ALKBH1: variants seen among roughly 807,000 people sequenced by gnomAD.
ALKBH1 encodes alkB homolog 1, histone H2A dioxygenase.
ALKBH1 carries 31 observed loss-of-function variants against 36.6 expected under a neutral mutation model. The observed-to-expected ratio is 0.85, with a 90% confidence interval of 0.64 to 1.14. The LOEUF (loss-of-function observed/expected upper bound fraction) is 1.14, where lower values mean the gene tolerates loss of function less well. Among genes scored for constraint, ALKBH1 ranks in the 50% most tolerant of loss-of-function variants. The pLI, the probability that ALKBH1 is intolerant of heterozygous loss-of-function variation, is 0.00. For synonymous variants in ALKBH1, 183 were observed against 186.6 expected, an observed-to-expected ratio of 0.98 and a Z score of 0.16; for missense variants, 490 against 497.3, an observed-to-expected ratio of 0.99 and a Z score of 0.14.
At chr14:77,677,357 A>G (rs922557988) in intron 4 of ALKBH1, among the ~76,000 whole-genome samples, 4 of 152,120 alleles carry the variant, frequency 2.6e-5, no homozygotes, top group African/African-American at 7.2e-5. Flanking sequence ...AATACTCTCT[A>G]TAACATCTTT....
chr14:77,706,076 T>G (rs1255191685), intron 1 of ALKBH1, among the ~76,000 whole-genome samples: 1 of 142,522 alleles, frequency 7.0e-6, no homozygotes, highest in South Asian at 2.2e-4. Flanking sequence ...GTATATATAT[T>G]ATATATACAC....
intron 2 of ALKBH1, among the ~76,000 whole-genome samples, chr14:77,699,186 T>G (rs1466041970): frequency 6.6e-6 from 1 of 152,216 alleles, no homozygotes; most frequent in African/African-American, 2.4e-5. Context: ...ACAATAAAAC[T>G]GCAGTTTGCC....
At chr14:77,699,062 T>A (rs757810817) in intron 2 of ALKBH1, among the ~76,000 whole-genome samples, 41 of 152,332 alleles carry the variant, frequency 2.7e-4, no homozygotes, top group Non-Finnish European at 4.9e-4. Flanking sequence ...CCTGAGCCAC[T>A]GCGCTTGCCC....
chr14:77,707,312 C>T (rs948818756), intron 1 of ALKBH1, among the ~76,000 whole-genome samples: 1 of 152,204 alleles, frequency 6.6e-6, no homozygotes, highest in Admixed American at 6.5e-5. Flanking sequence ...TCCATATATA[C>T]TTGTTTGCCA....
intron 3 of ALKBH1, among the ~76,000 whole-genome samples, chr14:77,687,832 G>T (rs997292376): frequency 6.6e-6 from 1 of 152,120 alleles, no homozygotes; most frequent in Admixed American, 6.6e-5. Flanking sequence ...AGATGAGAAA[G>T]AAAAGTGAAA....
intron 4 of ALKBH1, among the ~76,000 whole-genome samples, chr14:77,677,045 CT>C (rs139045024): frequency 6.1e-4 from 90 of 146,736 alleles, no homozygotes; most frequent in South Asian, 8.6e-4. Flanking sequence ...CCATAATACT[CT>C]TTTTTTTTTT....
rs2080188285 is a variant in ALKBH1 at position 77,673,674 on chromosome 14, C to CG, written c.*137_*138insC. The CG allele has an allele frequency of 1.1e-6, 1 of 904,578 alleles. No individual in the cohort carries two copies. Among genetic ancestry groups the CG allele is most frequent in the African/African-American group, 1.7e-5 (1 of 60,174 alleles). 56.0% of individuals were successfully genotyped at this position (904,578 alleles called of 1,614,324 possible). Reference sequence around the variant, plus strand: ...GTTTACTTCTGCGTGGGTTCCAAGGCAACAGTGTGATCAACAATGAGTTCT... The same window carrying CG: ...GTTTACTTCTGCGTGGGTTCCAAGGCGAACAGTGTGATCAACAATGAGTTCT... On this transcript the variant is annotated 3_prime_UTR_variant, in exon 6 of 6. Transcript: ENST00000216489.
intron 1 of ALKBH1, among the ~76,000 whole-genome samples, chr14:77,707,408 C>T (rs1009624512): frequency 1.3e-5 from 2 of 152,184 alleles, no homozygotes; most frequent in Non-Finnish European, 2.9e-5. Context: ...ACTAGTTTTA[C>T]GCACAGTGGC....
intron 2 of ALKBH1, among the ~76,000 whole-genome samples, chr14:77,697,927 C>T (rs1000833032): frequency 1.3e-5 from 2 of 151,852 alleles, no homozygotes; most frequent in Non-Finnish European, 2.9e-5. Flanking sequence ...GTGGGAGGAT[C>T]GCTTGAACCC....
Position 77,690,806 on chromosome 14 carries a change from CT to C in ALKBH1, c.455+3931del, listed in dbSNP as rs560611010. Among the ~76,000 whole-genome samples the C allele has an allele frequency of 4.6e-3, 661 of 145,062 alleles. 2 individuals carry two copies. The highest frequency in any genetic ancestry group is 0.024 in the South Asian group (112 of 4,588). ...ACAATGAAGATGTTTACACATAACT[CT>C]TTTTTTTTTTTGAGACGGAGTTTCA... On this transcript the variant is annotated intron_variant, in intron 3 of 5. Transcript: ENST00000216489.
Position 77,707,897 on chromosome 14 carries a change from C to G in ALKBH1, c.108G>C (p.Gly36=). ...CGATGACCCCTTCCAGGTCTGCGGT[C>G]CCGGGCCGGCTCTGACGGTAGAAGC... is the stretch of plus-strand genomic sequence containing the variant. ...LFRFYRQSRP[G]TADLEGVIDF... is the part of the protein sequence containing the mutation. The change falls in exon 1 of 6, where the codon GGG becomes GGC. Residue 36 remains glycine (G), a synonymous_variant. Coordinates refer to ENST00000216489, the MANE Select transcript of ALKBH1 (RefSeq NM_006020.3). 6.2e-7 allele frequency: 1 copy of G among 1,613,528 alleles called. No homozygotes were observed. The highest frequency in any genetic ancestry group is 8.5e-7 in the Non-Finnish European group (1 of 1,179,998).
intron 3 of ALKBH1, among the ~76,000 whole-genome samples, chr14:77,692,905 TA>T (rs10638829): frequency 1.0e-4 from 13 of 130,386 alleles, no homozygotes; most frequent in African/African-American, 2.6e-4. Context: ...CCCAGCTAAT[TA>T]AAAAAAAAAA....
rs1329743849 is a variant in ALKBH1, at chr14:77,707,864, C to A, written c.141G>T (p.Ser47=). ...CCTTGCCACGGGCTGCGTGGGCCGC[C>A]GAGAAGTCGATGACCCCTTCCAGGT... is the stretch of plus-strand genomic sequence containing the variant. ...TADLEGVIDF[S]AAHAARGKGP... is the part of the protein sequence containing the mutation. Residue 47 remains serine (S), a synonymous_variant, in exon 1 of 6, where the codon TCG becomes TCT. Coordinates refer to ENST00000216489, the MANE Select transcript of ALKBH1 (RefSeq NM_006020.3). 1.9e-6 allele frequency: 3 copies of A among 1,612,460 alleles called. No individual in the cohort carries two copies. The highest frequency in any genetic ancestry group is 2.2e-5 in the East Asian group (1 of 44,872).
intron 2 of ALKBH1, among the ~76,000 whole-genome samples, chr14:77,698,392 A>T (rs979579701): frequency 6.6e-6 from 1 of 152,210 alleles, no homozygotes; most frequent in Non-Finnish European, 1.5e-5. Flanking sequence ...ACATTTGCTT[A>T]TAAGTGTTGG....
At chr14:77,688,204 T>G (rs999422246) in intron 3 of ALKBH1, among the ~76,000 whole-genome samples, 1 of 152,016 alleles carries the variant, frequency 6.6e-6, no homozygotes, top group African/African-American at 2.4e-5. Context: ...GACAACATCT[T>G]TTTGAGGCCT....
In ALKBH1 at chr14:77,705,324, T is replaced by C. The variant is rs1595060887; in HGVS notation, c.184-847A>G. ...GCTACGAGAGGCTGGGGCACCAGAA[T>C]TGCTTCAACCTGGGAGGTGAAAGTT... On this transcript the variant is annotated intron_variant, in intron 1 of 5. Transcript: ENST00000216489. 4.7e-5 allele frequency among the ~76,000 whole-genome samples: 7 copies of C among 149,246 alleles called. No homozygotes were observed. The Admixed American group carries it at 4.7e-4, about 10-fold the overall frequency.
intron 3 of ALKBH1, among the ~76,000 whole-genome samples, chr14:77,682,541 T>C (rs1165564880): frequency 1.3e-5 from 2 of 152,158 alleles, no homozygotes; most frequent in East Asian, 1.9e-4. Flanking sequence ...ATGATGATGA[T>C]GATCTTATGA....
intron 3 of ALKBH1, among the ~76,000 whole-genome samples, chr14:77,681,557 C>A (rs530053084): frequency 1.3e-5 from 2 of 152,312 alleles, no homozygotes; most frequent in Non-Finnish European, 2.9e-5. Context: ...ATACATACAT[C>A]AAGACCAGCA....
rs188417948 is a variant in ALKBH1 at position 77,707,898 on chromosome 14, C to T, written c.107G>A (p.Gly36Glu). 15 of 1,613,494 alleles carry T rather than the reference C, an allele frequency of 9.3e-6. No homozygotes were observed. The East Asian group carries it at 2.7e-4, about 29-fold the overall frequency. The change falls in exon 1 of 6, where the codon GGG becomes GAG. Residue 36 changes from glycine (G) to glutamate (E), a missense_variant. Physicochemically the swap from Gly to Glu is moderately conservative, Grantham distance 98. Transcript: ENST00000216489. ...GATGACCCCTTCCAGGTCTGCGGTC[C>T]CGGGCCGGCTCTGACGGTAGAAGCG... ...LFRFYRQSRPGTADLEGVIDF... is the reference protein window; with the variant it reads ...LFRFYRQSRPETADLEGVIDF...
Sources: gnomAD v4.1 joint callset for allele counts (sites outside exome capture counted in the v4.1 genomes callset) on GRCh38, gnomAD v4.1.1 for gene constraint, MANE v1.5 for transcripts, NCBI Gene and HGNC (gene_info 2026-07-23, HGNC 2026-07-21) for gene names.